Variants in ATP2B3 observed in about 807,000 individuals in gnomAD.
ATP2B3 encodes ATPase plasma membrane Ca2+ transporting 3.
ATP2B3 carries 12 observed loss-of-function variants against 70.8 expected under a neutral mutation model. The ratio of observed to expected loss-of-function variants is 0.17; its 90% confidence interval spans 0.11 to 0.27. The LOEUF (loss-of-function observed/expected upper bound fraction) is 0.27. Ranked by LOEUF, ATP2B3 falls within the 10% of genes least tolerant of loss-of-function variation. The pLI, the probability that ATP2B3 is intolerant of heterozygous loss-of-function variation, is 1.00. For missense variants in ATP2B3, 858 were observed against 1,118.5 expected (o/e 0.77, Z 3.32); for synonymous variants, 460 against 497.8 (o/e 0.92, Z 1.01).
intron 21 of ATP2B3, among the ~76,000 whole-genome samples, chrX:153,574,115 T>C (rs782178441): frequency 8.8e-6 from 1 of 113,065 alleles, no homozygotes; most frequent in East Asian, 2.8e-4. Flanking sequence ...GCCGAAGCCA[T>C]CTTCTCCTCA....
intron 21 of ATP2B3, among the ~76,000 whole-genome samples, chrX:153,575,267 G>A (rs2090841148): frequency 8.9e-6 from 1 of 112,808 alleles, no homozygotes; most frequent in South Asian, 3.6e-4. Flanking sequence ...GCCCCTGCTG[G>A]GTGCAGCGAG....
In ATP2B3 at chrX:153,518,498, G is replaced by A. The variant is rs782572424; in HGVS notation, c.-180G>A. ...GCCAGCTTTTCCTGTGGCCGCCTGC[G>A]TTTTCTCACGGGTGAAAGCTCTGGC... is the stretch of plus-strand genomic sequence containing the variant. On this transcript the variant is annotated 5_prime_UTR_variant, in exon 2 of 22. Transcript: ENST00000263519. 1.8e-5 allele frequency among the ~76,000 whole-genome samples: 2 copies of A among 112,933 alleles called. No homozygotes were observed. The highest frequency in any genetic ancestry group is 7.3e-4 in the South Asian group (2 of 2,743).
In ATP2B3 at chrX:153,580,404, C is replaced by T. The variant is rs2090909791; in HGVS notation, c.*106C>T. 1.2e-6 allele frequency: 1 copy of T among 838,446 alleles called. No homozygotes were observed. The highest frequency in any genetic ancestry group is 3.3e-5 in the Admixed American group (1 of 29,852). 69.1% of individuals were successfully genotyped at this position (838,446 alleles called of 1,213,427 possible). On this transcript the variant is annotated 3_prime_UTR_variant, in exon 22 of 22. Coordinates refer to ENST00000263519, the MANE Select transcript of ATP2B3 (RefSeq NM_001001344.3). The stretch of plus-strand genomic sequence containing the variant: ...TATGGGGACCTGCACACCTGCAAAA[C>T]GAGGGAACAACTAAGGTGGCTGAAG...
At chrX:153,562,724 G>A (rs1557016816) in intron 20 of ATP2B3, among the ~76,000 whole-genome samples, 1 of 112,431 alleles carries the variant, frequency 8.9e-6, no homozygotes, top group Non-Finnish European at 1.9e-5. Context: ...AATTAGATCA[G>A]GAAGAAACAG....
In ATP2B3 at chrX:153,523,431, C is replaced by T. The variant is rs782473949; in HGVS notation, c.-127+4880C>T. Among the ~76,000 whole-genome samples the T allele has an allele frequency of 4.5e-5, 5 of 112,257 alleles. No individual in the cohort carries two copies. In the South Asian group the frequency reaches 1.1e-3, roughly 25 times the overall value. ...TTATGCGTGAGCTCTGCTGAGGAGCCTCTGTCCTGAGGAGAGGGCCCAGGC... is the reference window on the plus strand; with the variant it reads ...TTATGCGTGAGCTCTGCTGAGGAGCTTCTGTCCTGAGGAGAGGGCCCAGGC... On this transcript the variant is annotated intron_variant, in intron 2 of 21. Coordinates refer to ENST00000263519, the MANE Select transcript of ATP2B3 (RefSeq NM_001001344.3).
intron 3 of ATP2B3, among the ~76,000 whole-genome samples, chrX:153,540,048 T>A (rs2090256377): frequency 1.8e-5 from 2 of 112,311 alleles, no homozygotes; most frequent in South Asian, 3.7e-4. Flanking sequence ...GGCTGAGGGA[T>A]CAAAGTTGGT....
At chrX:153,565,182 C>A in intron 21 of ATP2B3, 79 bp downstream of exon 21, 1 of 1,067,168 alleles carries the variant, frequency 9.4e-7, no homozygotes, top group African/African-American at 1.9e-5. Flanking sequence ...AGCCGAGAGC[C>A]GGCCGTCTGC....
intron 2 of ATP2B3, among the ~76,000 whole-genome samples, chrX:153,532,587 G>A (rs1409785970): frequency 3.6e-5 from 4 of 112,252 alleles, no homozygotes; most frequent in Non-Finnish European, 3.8e-5. Context: ...GACCCCCCTG[G>A]CTGTCTCCCA....
At chrX:153,548,890 A>C (rs1603070148) in intron 10 of ATP2B3, 36 bp downstream of exon 10, 2 of 1,165,821 alleles carry the variant, frequency 1.7e-6, no homozygotes, top group Middle Eastern at 2.5e-4. Flanking sequence ...CTGTTTACAG[A>C]CTCGGAAACT....
chrX:153,560,842 C>A lies in ATP2B3; in HGVS notation c.3006C>A (p.Ser1002Arg). The change falls in exon 19 of 22, where the codon AGC (serine) becomes AGA (arginine). Residue 1002 changes from serine to arginine, a missense_variant. Around this residue, in one of 5 missense-constraint regions of ATP2B3, gnomAD observed 265 missense variants for 305.3 expected, o/e 0.87. Transcript: ENST00000263519. ...GERNVFDGIF[S>R]NPIFCTIVLG... ...GGAACGTGTTCGACGGCATCTTCAG[C>A]AACCCCATCTTCTGCACCATCGTTT... 1 of 1,212,206 alleles carries A rather than the reference C, an allele frequency of 8.2e-7. No individual in the cohort carries two copies. The highest frequency in any genetic ancestry group is 1.8e-5 in the South Asian group (1 of 57,016).
chrX:153,544,065 C>A (rs1325475661), intron 7 of ATP2B3, among the ~76,000 whole-genome samples: 2 of 112,985 alleles, frequency 1.8e-5, no homozygotes, highest in Non-Finnish European at 3.8e-5. Context: ...GAAGCTTCGA[C>A]GAGCCCTGCC....
At chrX:153,554,242 G>C (rs2124468962) in intron 13 of ATP2B3, among the ~76,000 whole-genome samples, 1 of 113,435 alleles carries the variant, frequency 8.8e-6, no homozygotes, top group South Asian at 3.6e-4. Flanking sequence ...AGTCCAGCGA[G>C]GGAAATGGGC....
intron 2 of ATP2B3, among the ~76,000 whole-genome samples, chrX:153,523,785 T>G (rs2089992960): frequency 1.1e-5 from 1 of 93,262 alleles, no homozygotes; most frequent in Non-Finnish European, 2.0e-5. Context: ...AACCTCCACC[T>G]CCAGGGTTCG....
At chrX:153,557,399 T>G (rs113332575) in intron 16 of ATP2B3, among the ~76,000 whole-genome samples, 20 of 112,340 alleles carry the variant, frequency 1.8e-4, no homozygotes, top group African/African-American at 6.5e-4. Flanking sequence ...TTCCTTCCTG[T>G]TGCTCACCCA....
At position 153,565,084 on chromosome X, in the gene ATP2B3, T is replaced by C. The variant is rs1557017734; in HGVS notation, c.3323T>C (p.Leu1108Pro). The C allele has an allele frequency of 8.4e-7, 1 of 1,189,091 alleles. No individual in the cohort carries two copies. The highest frequency in any genetic ancestry group is 1.1e-6 in the Non-Finnish European group (1 of 883,840). ...RRGQILWFRG[L>P]NRIQTQIRVV... ...GGCCAGATCCTCTGGTTCCGGGGCC[T>C]GAACCGGATTCAGACGCAGGTAAGC... Residue 1108 changes from leucine (L) to proline (P), a missense_variant, in exon 21 of 22, where the codon CTG (leucine) becomes CCG (proline). By Grantham distance (98) the Leu-to-Pro change is moderately conservative. Transcript: ENST00000263519.
At position 153,559,048 on chromosome X, in the gene ATP2B3, AT is replaced by A. The variant is rs1476057021; in HGVS notation, c.2626-680del. On this transcript the variant is annotated intron_variant, in intron 17 of 21. Coordinates refer to ENST00000263519, the MANE Select transcript of ATP2B3 (RefSeq NM_001001344.3). ...TTTCAAAACAATTTTTTAAATTGAG[AT>A]AAAAAATCACATAACAAACTTCAAC... is the stretch of plus-strand genomic sequence containing the variant. Among the ~76,000 whole-genome samples the A allele has an allele frequency of 2.7e-3, 4 of 1,478 alleles. No homozygotes were observed. In the Non-Finnish European group the frequency reaches 0.062, roughly 23 times the overall value. 1.3% of individuals were successfully genotyped at this position (1,478 alleles called of 115,157 possible). A position where few individuals can be genotyped will look rare whatever the true frequency, so the allele number is the denominator to read the frequency against.
At chrX:153,559,377 T>G (rs1272417438) in intron 17 of ATP2B3, 1 of 232,550 alleles carries the variant, frequency 4.3e-6, no homozygotes, top group Admixed American at 6.4e-5. Flanking sequence ...GTTCAGAGTT[T>G]CTGCCTCCTC....
At chrX:153,569,229 C>T (rs782761771) in intron 21 of ATP2B3, 10 of 432,477 alleles carry the variant, frequency 2.3e-5, no homozygotes, top group Middle Eastern at 3.8e-4. Flanking sequence ...CTAATAGGAG[C>T]GTGTCATGTC....
intron 2 of ATP2B3, among the ~76,000 whole-genome samples, chrX:153,522,596 AC>A (rs1357290957): frequency 2.7e-5 from 3 of 110,662 alleles, no homozygotes; most frequent in Non-Finnish European, 5.7e-5. Context: ...GGACCTAGAC[AC>A]CCCCCACCAA....
Sources: allele counts gnomAD v4.1 joint callset (sites outside exome capture counted in the v4.1 genomes callset), GRCh38; gene constraint gnomAD v4.1.1; regional missense constraint gnomAD v4.1.1; transcripts MANE v1.5; gene names NCBI Gene and HGNC (gene_info 2026-07-23, HGNC 2026-07-21).